Variants in ARHGEF2 observed in about 807,000 individuals in gnomAD.
ARHGEF2 encodes the protein rho guanine nucleotide exchange factor 2.
Under a neutral mutation model 121.0 loss-of-function variants are expected in ARHGEF2, and 22 were observed. The ratio of observed to expected loss-of-function variants is 0.18; its 90% CI spans 0.13 to 0.26. ARHGEF2 has a LOEUF of 0.26. ARHGEF2 is among the 10% of genes least tolerant of loss of function. The probability of loss-of-function intolerance (pLI) is 1.00; values close to 1 mark genes in which losing one functional copy is unlikely to be tolerated. For missense variants in ARHGEF2, 907 were observed against 1,336.0 expected (o/e 0.68, Z 5.01); for synonymous variants, 487 against 530.0 (o/e 0.92, Z 1.11).
At chr1:155,969,378 G>A (rs1431496694) in intron 1 of ARHGEF2, 78 bp from the exon 2 acceptor site, 1 of 1,580,994 alleles carries the variant, frequency 6.3e-7, no homozygotes, top group African/African-American at 1.4e-5. Context: ...ACAGGCTGGG[G>A]GCAGAGGCAA....
intron 3 of ARHGEF2, 83 bp downstream of exon 3, chr1:155,966,737 G>T: frequency 7.1e-7 from 1 of 1,406,738 alleles, no homozygotes; most frequent in African/African-American, 1.4e-5. Flanking sequence ...GAAACACAGG[G>T]TAGGGAATGA....
intron 11 of ARHGEF2, among the ~76,000 whole-genome samples, chr1:155,960,748 G>A (rs370559587): frequency 2.6e-5 from 4 of 152,328 alleles, no homozygotes; most frequent in Non-Finnish European, 4.4e-5. Flanking sequence ...GGCTCAGGCA[G>A]GCTTTGGCCT....
Position 155,961,526 on chromosome 1 carries a change from G to A in ARHGEF2, c.1468+135C>T, listed in dbSNP as rs1463644644. Reference sequence around the variant, plus strand: ...CCTGACCTCGTGATCCGCCCGCCTCGGCCTCCCTAAGTGCTGGGATTACAG... The same window carrying A: ...CCTGACCTCGTGATCCGCCCGCCTCAGCCTCCCTAAGTGCTGGGATTACAG... On this transcript the variant is annotated intron_variant, in intron 11 of 21. Coordinates refer to ENST00000361247, the MANE Select transcript of ARHGEF2 (RefSeq NM_001162383.2). This position sits in a 1 kb window ranked among gnomAD's most constrained non-coding sequence, Gnocchi z 4.7. 29 of 1,269,464 alleles carry A rather than the reference G, an allele frequency of 2.3e-5. No individual in the cohort carries two copies. Among genetic ancestry groups the A allele is most frequent in the African/African-American group, 3.0e-5 (2 of 67,264 alleles). 78.6% of individuals were successfully genotyped at this position (1,269,464 alleles called of 1,614,324 possible). A position where few individuals can be genotyped will look rare whatever the true frequency, so the allele number is the denominator to read the frequency against.
upstream of ARHGEF2, chr1:155,978,764 T>G (rs977265916): frequency 5.9e-6 from 5 of 848,976 alleles, 1 homozygote; most frequent in South Asian, 2.8e-4. This position sits in a 1 kb window ranked among gnomAD's most constrained non-coding sequence, Gnocchi z 4.1. Flanking sequence ...GGGGGCGCCC[T>G]CTAGCCCCAG....
At position 155,950,551 on chromosome 1, in the gene ARHGEF2, G is replaced by A; in HGVS notation, c.2704-69C>T. 1 of 1,521,340 alleles carries A rather than the reference G, an allele frequency of 6.6e-7. No individual in the cohort carries two copies. Among genetic ancestry groups the A allele is most frequent in the Non-Finnish European group, 9.0e-7 (1 of 1,106,184 alleles). The allele number at this position is 1,521,340 out of a possible 1,614,324, so 94.2% of individuals were successfully genotyped here. ...AGTGTGAAGATTGGAGGTTCTGCTT[G>A]GCTGAAGGCAGCAGCTCTCCCCCCT... On this transcript the variant is annotated intron_variant, in intron 20 of 21. Coordinates refer to ENST00000361247, the MANE Select transcript of ARHGEF2 (RefSeq NM_001162383.2). This position sits in a 1 kb window ranked among gnomAD's most constrained non-coding sequence, Gnocchi z 5.2.
intron 1 of ARHGEF2, among the ~76,000 whole-genome samples, chr1:155,976,248 G>C (rs1443523951): frequency 6.6e-6 from 1 of 151,958 alleles, no homozygotes; most frequent in Non-Finnish European, 1.5e-5. Flanking sequence ...AAAGGAGACA[G>C]CTGGTGTGCT....
In ARHGEF2 at chr1:155,947,108, C is replaced by T. The variant is rs1244217822; in HGVS notation, c.*834G>A. On this transcript the variant is annotated 3_prime_UTR_variant, in exon 22 of 22. Transcript: ENST00000361247. The stretch of plus-strand genomic sequence containing the variant: ...GGGGAAGAGGTCAGTATAGGTCCCC[C>T]CGTTACTGCAGATGAAGGCAGAAGT... 1 of 345,008 alleles carries T rather than the reference C, an allele frequency of 2.9e-6. No individual in the cohort carries two copies. Among genetic ancestry groups the T allele is most frequent in the Non-Finnish European group, 5.7e-6 (1 of 175,136 alleles). The allele number at this position is 345,008 out of a possible 1,614,324, so 21.4% of individuals were successfully genotyped here.
rs757309686 is a variant in ARHGEF2, at chr1:155,951,930, A to T, written c.2161T>A (p.Ser721Thr). 6.2e-7 allele frequency: 1 copy of T among 1,614,088 alleles called. No individual in the cohort carries two copies. The change falls in exon 17 of 22, where the codon TCT becomes ACT. Residue 721 changes from serine (S) to threonine (T), a missense_variant. Coordinates refer to ENST00000361247, the MANE Select transcript of ARHGEF2 (RefSeq NM_001162383.2). This position sits in a 1 kb window ranked among gnomAD's most constrained non-coding sequence, Gnocchi z 5.1. ...SIELCRADSD[S>T]SQRDRNGNQL... ...TCTTGAGGACCTACCCTCTGGCTAG[A>T]GTCTGAGTCAGCTCTGCAGAGTTCA...
intron 14 of ARHGEF2, among the ~76,000 whole-genome samples, chr1:155,954,403 T>C (rs1198060412): frequency 2.1e-5 from 3 of 143,816 alleles, no homozygotes; most frequent in African/African-American, 7.6e-5. Context: ...CCTACCTCAC[T>C]CTCCTGAGTA....
intron 1 of ARHGEF2, among the ~76,000 whole-genome samples, chr1:155,975,380 C>A (rs544318452): frequency 1.6e-4 from 24 of 152,246 alleles, no homozygotes; most frequent in African/African-American, 5.5e-4. Flanking sequence ...CTCCTCTGGT[C>A]GGCCTCAGTA....
rs931659813 is a variant in ARHGEF2, at chr1:155,964,904, A to G, written c.724+84T>C. On this transcript the variant is annotated intron_variant, in intron 7 of 21. Transcript: ENST00000361247. The stretch of plus-strand genomic sequence containing the variant: ...TGAGACTCCATCTCAAAAAAAAAAA[A>G]AAAAAGAAAAAGAAAAATAAAGAAG... The G allele has an allele frequency of 3.0e-4, 442 of 1,485,130 alleles. 3 individuals carry two copies. In the Admixed American group the frequency reaches 9.2e-3, roughly 31 times the overall value. The allele number at this position is 1,485,130 out of a possible 1,614,324, so 92.0% of individuals were successfully genotyped here.
intron 1 of ARHGEF2, among the ~76,000 whole-genome samples, chr1:155,976,523 C>T (rs1350816458): frequency 1.4e-5 from 2 of 147,700 alleles, no homozygotes; most frequent in African/African-American, 5.0e-5. Flanking sequence ...AAAACAAAAA[C>T]AAAAACAGAG....
intron 11 of ARHGEF2, among the ~76,000 whole-genome samples, chr1:155,960,757 C>T (rs1677738122): frequency 6.6e-6 from 1 of 152,202 alleles, no homozygotes; most frequent in South Asian, 2.1e-4. Context: ...AGGCTTTGGC[C>T]TCAGGTATCA....
chr1:155,959,225 T>C (rs1468508250), intron 11 of ARHGEF2, among the ~76,000 whole-genome samples: 1 of 152,170 alleles, frequency 6.6e-6, no homozygotes. Flanking sequence ...CTTTTATTTT[T>C]TATTTATTTT....
intron 11 of ARHGEF2, among the ~76,000 whole-genome samples, chr1:155,960,543 C>T (rs1016521678): frequency 2.0e-5 from 3 of 151,904 alleles, no homozygotes; most frequent in African/African-American, 7.3e-5. Context: ...TGTGGGCACA[C>T]AGAAGGGGAG....
chr1:155,975,873 A>C (rs1681210980), intron 1 of ARHGEF2, among the ~76,000 whole-genome samples: 2 of 152,146 alleles, frequency 1.3e-5, no homozygotes, highest in African/African-American at 4.8e-5. Flanking sequence ...CAGGGGACTA[A>C]AGAGAGAAAG....
Position 155,961,997 on chromosome 1 carries a change from C to A in ARHGEF2, c.1220-88G>T. 6 of 1,602,272 alleles carry A rather than the reference C, an allele frequency of 3.7e-6. No individual in the cohort carries two copies. Among genetic ancestry groups the A allele is most frequent in the Non-Finnish European group, 5.1e-6 (6 of 1,172,218 alleles). ...CGTGTCTTGATTCCACCTTTAGAGG[C>A]TGCCCAGGGTTTCACACCCGACCCC... is the stretch of plus-strand genomic sequence containing the variant. On this transcript the variant is annotated intron_variant, in intron 10 of 21. Transcript: ENST00000361247. The surrounding 1 kb of genome is among the most constrained non-coding windows in gnomAD (Gnocchi z 4.7).
At position 155,958,451 on chromosome 1, in the gene ARHGEF2, C is replaced by T. The variant is rs2886069; in HGVS notation, c.1469-55G>A. On this transcript the variant is annotated intron_variant, in intron 11 of 21. Transcript: ENST00000361247. ...CAGCACTAGACGGTCTGAGCAGCTGCTTCCCTCTTTCCCAAGGACCAGGCT... is the reference window on the plus strand; with the variant it reads ...CAGCACTAGACGGTCTGAGCAGCTGTTTCCCTCTTTCCCAAGGACCAGGCT... 1,289,856 of 1,431,672 alleles carry T rather than the reference C, an allele frequency of 0.9. 586,808 individuals are homozygous for T. The highest frequency in any genetic ancestry group is 0.94 in the East Asian group (41,093 of 43,512). The allele number at this position is 1,431,672 out of a possible 1,614,324, so 88.7% of individuals were successfully genotyped here. A position where few individuals can be genotyped will look rare whatever the true frequency, so the allele number is the denominator to read the frequency against.
rs149301775 is a variant in ARHGEF2, at chr1:155,951,510, A to G, written c.2232T>C (p.Asn744=). The change falls in exon 19 of 22, where the codon AAT becomes AAC. Residue 744 remains asparagine, a synonymous_variant. Transcript: ENST00000361247. The surrounding 1 kb of genome is among the most constrained non-coding windows in gnomAD (Gnocchi z 5.1). Reference sequence around the variant, plus strand: ...GTAGGCCATGTAGAAGTCCATAGAGATTGACCAATCGCTGTAACGCCTCCT... The same window carrying G: ...GTAGGCCATGTAGAAGTCCATAGAGGTTGACCAATCGCTGTAACGCCTCCT... The part of the protein sequence containing the change: ...PQEEALQRLV[N]LYGLLHGLQA... 14 of 1,614,100 alleles carry G rather than the reference A, an allele frequency of 8.7e-6. No individual in the cohort carries two copies. The highest frequency in any genetic ancestry group is 1.1e-5 in the Non-Finnish European group (13 of 1,180,004).
Sources: allele counts gnomAD v4.1 joint callset (sites outside exome capture counted in the v4.1 genomes callset), GRCh38; gene constraint gnomAD v4.1.1; non-coding constraint Gnocchi (gnomAD v3.1); transcripts MANE v1.5; gene names NCBI Gene and HGNC (gene_info 2026-07-23, HGNC 2026-07-21).